Variants in HCN1 observed in about 807,000 individuals in gnomAD.
HCN1 encodes the protein hyperpolarization activated cyclic nucleotide gated potassium channel 1.
HCN1 carries 13 observed loss-of-function variants against 78.9 expected under a neutral mutation model. The observed-to-expected ratio is 0.16, with a 90% CI of 0.11 to 0.26. The LOEUF (loss-of-function observed/expected upper bound fraction) is 0.26. HCN1 is among the 10% of genes least tolerant of loss of function. The pLI, the probability that HCN1 is intolerant of heterozygous loss-of-function variation, is 1.00. For synonymous variants in HCN1, 552 were observed against 455.5 expected (o/e 1.21, Z -2.70); for missense variants, 810 against 1,154.3 (o/e 0.70, Z 4.32).
At chr5:45,443,348 G>A (rs1242498164) in intron 3 of HCN1, among the ~76,000 whole-genome samples, 1 of 151,944 alleles carries the variant, frequency 6.6e-6, no homozygotes, top group African/African-American at 2.4e-5. Flanking sequence ...TTTTAGGAAA[G>A]TAAATGAAAA....
At chr5:45,376,615 C>G (rs547059783) in intron 4 of HCN1, among the ~76,000 whole-genome samples, 2 of 151,632 alleles carry the variant, frequency 1.3e-5, no homozygotes, top group Non-Finnish European at 2.9e-5. Context: ...TTAAAGTTTG[C>G]AAAGAATGTT....
At chr5:45,487,518 T>C (rs1741792659) in intron 2 of HCN1, among the ~76,000 whole-genome samples, 1 of 151,456 alleles carries the variant, frequency 6.6e-6, no homozygotes, top group African/African-American at 2.4e-5. Context: ...ATCTAGGCCA[T>C]TTCAAAATTA....
intron 3 of HCN1, among the ~76,000 whole-genome samples, chr5:45,428,709 T>C (rs1037805699): frequency 1.3e-5 from 2 of 152,030 alleles, no homozygotes; most frequent in Admixed American, 1.3e-4. Flanking sequence ...CCTGCAGCAT[T>C]TGGAAACCAA....
At chr5:45,666,211 G>A (rs774351389) in intron 1 of HCN1, among the ~76,000 whole-genome samples, 1 of 152,034 alleles carries the variant, frequency 6.6e-6, no homozygotes, top group African/African-American at 2.4e-5. Flanking sequence ...ATGAGGGGGT[G>A]GCAAACCGGG....
rs144180817 is a variant in HCN1, at chr5:45,653,532, A to G, written c.426-7924T>C. Among the ~76,000 whole-genome samples the G allele has an allele frequency of 1.9e-4, 29 of 152,208 alleles. No homozygotes were observed. In the East Asian group the frequency reaches 3.3e-3, roughly 17 times the overall value. On this transcript the variant is annotated intron_variant, in intron 1 of 7. Transcript: ENST00000303230. ...CTAGCAAATAGTATATATACTGCTG[A>G]TTTCCCAATGATCAAATTCCAAATT...
chr5:45,626,832 A>G (rs1745170789), intron 2 of HCN1, among the ~76,000 whole-genome samples: 1 of 152,106 alleles, frequency 6.6e-6, no homozygotes, highest in Admixed American at 6.6e-5. Flanking sequence ...GCAGAGAGTT[A>G]TAAGATCCAA....
chr5:45,685,486 G>C (rs1413525810), intron 1 of HCN1, among the ~76,000 whole-genome samples: 1 of 152,172 alleles, frequency 6.6e-6, no homozygotes, highest in Non-Finnish European at 1.5e-5. Context: ...GGCCGAGCCG[G>C]GCGGATCACC....
At chr5:45,282,317 CTTATATG>C (rs1169132489) in intron 6 of HCN1, among the ~76,000 whole-genome samples, 1 of 152,064 alleles carries the variant, frequency 6.6e-6, no homozygotes, top group African/African-American at 2.4e-5. Context: ...TACTGGCTTT[CTTATATG>C]TTATCTTGAG....
chr5:45,313,743 G>A (rs527454815), intron 5 of HCN1, among the ~76,000 whole-genome samples: 58 of 152,260 alleles, frequency 3.8e-4, no homozygotes, highest in Non-Finnish European at 6.9e-4. Flanking sequence ...TAGCCAATTC[G>A]ATCAACTGGA....
chr5:45,614,100 T>C (rs1259895785), intron 2 of HCN1, among the ~76,000 whole-genome samples: 1 of 152,152 alleles, frequency 6.6e-6, no homozygotes, highest in African/African-American at 2.4e-5. Flanking sequence ...AGGCAGTTAG[T>C]AACAATGGAC....
At chr5:45,266,338 GTC>G (rs1473254222) in intron 7 of HCN1, among the ~76,000 whole-genome samples, 1 of 151,522 alleles carries the variant, frequency 6.6e-6, no homozygotes, top group African/African-American at 2.4e-5. Context: ...ATTTTATTAT[GTC>G]TCTGCTGAGA....
intron 2 of HCN1, among the ~76,000 whole-genome samples, chr5:45,632,279 TTGTG>T (rs139925464): frequency 1.5e-4 from 22 of 147,682 alleles, no homozygotes; most frequent in Non-Finnish European, 3.3e-4. Flanking sequence ...TAATGTTCCA[TTGTG>T]TGTGTGTGTG....
At chr5:45,401,467 A>C (rs1368369873) in intron 3 of HCN1, among the ~76,000 whole-genome samples, 1 of 152,104 alleles carries the variant, frequency 6.6e-6, no homozygotes, top group Non-Finnish European at 1.5e-5. Context: ...TAATCATATA[A>C]TTACTCATAT....
chr5:45,409,483 T>G (rs1413072159), intron 3 of HCN1, among the ~76,000 whole-genome samples: 2 of 152,066 alleles, frequency 1.3e-5, no homozygotes, highest in African/African-American at 4.8e-5. Flanking sequence ...TAAAAAGAGC[T>G]TTCCCATTAT....
At chr5:45,581,489 C>T (rs1287298420) in intron 2 of HCN1, among the ~76,000 whole-genome samples, 5 of 152,120 alleles carry the variant, frequency 3.3e-5, no homozygotes, top group Admixed American at 2.0e-4. Flanking sequence ...ACTCTGATGG[C>T]AGTTTCTTTT....
Position 45,648,560 on chromosome 5 carries a change from C to A in HCN1, c.426-2952G>T, listed in dbSNP as rs540811850. ...TCCTTAGGTAACAAAAAAATACAAT[C>A]ATCACCTGTTCTAGAAGTGCAATAT... is the stretch of plus-strand genomic sequence containing the variant. On this transcript the variant is annotated intron_variant, in intron 1 of 7. Coordinates refer to ENST00000303230, the MANE Select transcript of HCN1 (RefSeq NM_021072.4). 9.2e-5 allele frequency among the ~76,000 whole-genome samples: 14 copies of A among 152,140 alleles called. No homozygotes were observed. The South Asian group carries it at 2.9e-3, about 32-fold the overall frequency.
At chr5:45,606,077 G>A (rs183888406) in intron 2 of HCN1, among the ~76,000 whole-genome samples, 1 of 152,032 alleles carries the variant, frequency 6.6e-6, no homozygotes, top group East Asian at 1.9e-4. Flanking sequence ...GAAATGTTAA[G>A]TCAGCCAACT....
At chr5:45,494,018 G>T (rs1343954150) in intron 2 of HCN1, among the ~76,000 whole-genome samples, 1 of 152,066 alleles carries the variant, frequency 6.6e-6, no homozygotes, top group East Asian at 1.9e-4. Flanking sequence ...CATTTGGCTT[G>T]GTTCCAAGTC....
At chr5:45,599,970 T>A (rs1744590312) in intron 2 of HCN1, among the ~76,000 whole-genome samples, 1 of 152,036 alleles carries the variant, frequency 6.6e-6, no homozygotes, top group African/African-American at 2.4e-5. Flanking sequence ...AAGTAAAACA[T>A]TACCATTTGC....
Sources: allele counts gnomAD v4.1 joint callset (sites outside exome capture counted in the v4.1 genomes callset), GRCh38; gene constraint gnomAD v4.1.1; transcripts MANE v1.5; gene names NCBI Gene and HGNC (gene_info 2026-07-23, HGNC 2026-07-21).